PRIM2: variants seen among roughly 807,000 people sequenced by gnomAD.
The protein encoded by PRIM2 is DNA primase subunit 2.
Under a neutral mutation model 67.3 loss-of-function variants are expected in PRIM2, and 39 were observed. The ratio of observed to expected loss-of-function variants is 0.58; its 90% confidence interval spans 0.45 to 0.76. The LOEUF (loss-of-function observed/expected upper bound fraction) is 0.76, where lower values mean the gene tolerates loss of function less well. Ranked by LOEUF, PRIM2 falls within the 30% of genes least tolerant of loss-of-function variation. PRIM2 has a pLI of 0.00. For synonymous variants in PRIM2, 143 were observed against 198.7 expected, an observed-to-expected ratio of 0.72 and a Z score of 2.36; for missense variants, 398 against 598.7, an observed-to-expected ratio of 0.66 and a Z score of 3.50.
chr6:57,463,187 T>A (rs1773064779), intron 7 of PRIM2, among the ~76,000 whole-genome samples: 1 of 152,192 alleles, frequency 6.6e-6, no homozygotes, highest in African/African-American at 2.4e-5. Flanking sequence ...GCATGTGATA[T>A]CCACAACTAG....
At chr6:57,585,766 C>T (rs1219646760) in intron 10 of PRIM2, among the ~76,000 whole-genome samples, 1 of 152,104 alleles carries the variant, frequency 6.6e-6, no homozygotes, top group Non-Finnish European at 1.5e-5. Flanking sequence ...AAGAGGATTC[C>T]GAGGAGCCTG....
At chr6:57,513,323 G>T (rs1185432397) in intron 8 of PRIM2, among the ~76,000 whole-genome samples, 2 of 146,802 alleles carry the variant, frequency 1.4e-5, no homozygotes, top group South Asian at 2.1e-4. Context: ...GGTACCATGG[G>T]ATAATATTTA....
At chr6:57,257,961 C>T in the PRIM2 span, among the ~76,000 whole-genome samples, 5 of 152,292 alleles carry the variant, frequency 3.3e-5, no homozygotes, top group East Asian at 9.6e-4. Flanking sequence ...GCAGCCCTGC[C>T]TTAGTCCTTC....
At chr6:57,567,887 CT>C (rs1386175070) in intron 10 of PRIM2, among the ~76,000 whole-genome samples, 1 of 152,102 alleles carries the variant, frequency 6.6e-6, no homozygotes, top group Admixed American at 6.5e-5. Flanking sequence ...GGAAATCTGC[CT>C]GTAACTATAA....
intron 7 of PRIM2, among the ~76,000 whole-genome samples, chr6:57,468,558 G>A (rs1224255498): frequency 4.8e-4 from 73 of 152,168 alleles, no homozygotes; most frequent in African/African-American, 1.7e-3. Context: ...TTTTTGCATC[G>A]ATGTTCATCA....
chr6:57,257,415 G>T, the PRIM2 span, among the ~76,000 whole-genome samples: 1 of 152,018 alleles, frequency 6.6e-6, no homozygotes, highest in Admixed American at 6.5e-5. Flanking sequence ...GGGATTACAG[G>T]CACCCACCAC....
At chr6:57,509,428 T>C (rs1400711404) in intron 8 of PRIM2, among the ~76,000 whole-genome samples, 5 of 152,200 alleles carry the variant, frequency 3.3e-5, no homozygotes, top group Non-Finnish European at 5.9e-5. Context: ...ATCTCTTGAG[T>C]ATATCTCTTG....
chr6:57,608,824 G>C (rs1776613898), intron 12 of PRIM2, among the ~76,000 whole-genome samples: 1 of 152,066 alleles, frequency 6.6e-6, no homozygotes, highest in Admixed American at 6.6e-5. Flanking sequence ...TCTGTAGAAA[G>C]AGGAGGAGAA....
intron 10 of PRIM2, among the ~76,000 whole-genome samples, chr6:57,539,996 GA>G (rs1171138513): frequency 1.4e-3 from 168 of 121,486 alleles, no homozygotes; most frequent in East Asian, 3.3e-3. Context: ...TCCATCTCAA[GA>G]AAAAAAAAAA....
At chr6:57,240,104 T>G in the PRIM2 span, among the ~76,000 whole-genome samples, 6 of 141,484 alleles carry the variant, frequency 4.2e-5, no homozygotes, top group African/African-American at 1.1e-4. Flanking sequence ...TTTTTTTTTT[T>G]TTTTTTTTTT....
the PRIM2 span, among the ~76,000 whole-genome samples, chr6:57,240,233 C>G: frequency 1.3e-5 from 2 of 151,992 alleles, no homozygotes; most frequent in East Asian, 3.9e-4. Flanking sequence ...TCTCAAGTAG[C>G]TGGGATTACA....
At chr6:57,504,782 G>A (rs1268240395) in intron 7 of PRIM2, among the ~76,000 whole-genome samples, 2 of 152,128 alleles carry the variant, frequency 1.3e-5, no homozygotes, top group Non-Finnish European at 2.9e-5. Flanking sequence ...TAGAGGAAAT[G>A]CTAAAAATCT....
At chr6:57,463,262 C>T (rs1773067407) in intron 7 of PRIM2, among the ~76,000 whole-genome samples, 1 of 152,164 alleles carries the variant, frequency 6.6e-6, no homozygotes, top group African/African-American at 2.4e-5. Flanking sequence ...GAGGCCAAGG[C>T]AGGAGGATCG....
At chr6:57,297,019 A>G in the PRIM2 span, among the ~76,000 whole-genome samples, 1 of 152,204 alleles carries the variant, frequency 6.6e-6, no homozygotes, top group Non-Finnish European at 1.5e-5. Flanking sequence ...ATAGAATAAA[A>G]TAAGTTTCCA....
chr6:57,355,931 T>G lies in PRIM2; in HGVS notation c.460-23970T>G, dbSNP rs973078388. ...TGTTAGGATTGCAGGTATGAGCCAC[T>G]GTGCCTGGCCAAAACTGCATTACTT... On this transcript the variant is annotated intron_variant, in intron 5 of 13. Transcript: ENST00000615550. Among the ~76,000 whole-genome samples the G allele has an allele frequency of 4.6e-5, 7 of 152,194 alleles. No individual in the cohort carries two copies. The South Asian group carries it at 6.2e-4, about 13-fold the overall frequency.
intron 10 of PRIM2, among the ~76,000 whole-genome samples, chr6:57,559,957 A>G (rs1358479308): frequency 1.4e-4 from 22 of 152,182 alleles, no homozygotes; most frequent in Admixed American, 1.4e-3. Context: ...GTTGCTGAAG[A>G]TTGGAGTGGC....
At chr6:57,571,507 C>T (rs1775861675) in intron 10 of PRIM2, among the ~76,000 whole-genome samples, 3 of 151,808 alleles carry the variant, frequency 2.0e-5, no homozygotes, top group East Asian at 1.9e-4. Flanking sequence ...AAAAATTAGC[C>T]GGGCATGGTG....
the PRIM2 span, among the ~76,000 whole-genome samples, chr6:57,297,473 T>C: frequency 6.6e-6 from 1 of 152,102 alleles, no homozygotes; most frequent in Non-Finnish European, 1.5e-5. Context: ...AAAAATATCA[T>C]TTGGCAAACA....
chr6:57,245,646 T>A, the PRIM2 span, among the ~76,000 whole-genome samples: 1 of 152,206 alleles, frequency 6.6e-6, no homozygotes, highest in South Asian at 2.1e-4. Flanking sequence ...TAGTCTAAGC[T>A]CCTGGTCTGG....
Sources: allele counts gnomAD v4.1 joint callset (sites outside exome capture counted in the v4.1 genomes callset), GRCh38; gene constraint gnomAD v4.1.1; transcripts MANE v1.5; gene names NCBI Gene and HGNC (gene_info 2026-07-23, HGNC 2026-07-21).